The following FRAS1 variants were observed in gnomAD, a reference collection of about 807,000 sequenced individuals.
FRAS1 encodes the protein Fraser extracellular matrix complex subunit 1, also known as extracellular matrix organizing protein FRAS1.
FRAS1 carries 290 observed loss-of-function variants against 435.2 expected under a neutral mutation model. The observed-to-expected ratio is 0.67, with a 90% CI of 0.61 to 0.73. The LOEUF (loss-of-function observed/expected upper bound fraction) is 0.73, where lower values mean the gene tolerates loss of function less well. FRAS1 is among the 30% of genes least tolerant of loss of function. The pLI is 0.00. For synonymous variants in FRAS1, 1,800 were observed against 1,851.0 expected, an observed-to-expected ratio of 0.97 and a Z score of 0.71; for missense variants, 4,860 against 5,001.5, an observed-to-expected ratio of 0.97 and a Z score of 0.85.
At chr4:78,486,750 G>C (rs892347318) in intron 58 of FRAS1, among the ~76,000 whole-genome samples, 3 of 151,930 alleles carry the variant, frequency 2.0e-5, no homozygotes, top group African/African-American at 7.3e-5. Flanking sequence ...CACTGGTCTG[G>C]GGTCTTCTTA....
intron 73 of FRAS1, among the ~76,000 whole-genome samples, chr4:78,540,236 A>G (rs376635211): frequency 6.6e-6 from 1 of 152,262 alleles, no homozygotes; most frequent in Non-Finnish European, 1.5e-5. Context: ...ACAGACAAAT[A>G]TAAGCATTCA....
chr4:78,329,681 T>A (rs567897900), intron 18 of FRAS1, among the ~76,000 whole-genome samples: 34 of 152,360 alleles, frequency 2.2e-4, no homozygotes, highest in African/African-American at 8.2e-4. Flanking sequence ...CGGATTTCTG[T>A]ATCACCTATT....
At chr4:78,402,360 T>C (rs1207170781) in intron 30 of FRAS1, among the ~76,000 whole-genome samples, 1 of 152,122 alleles carries the variant, frequency 6.6e-6, no homozygotes, top group Non-Finnish European at 1.5e-5. Context: ...ATAGTTCCAA[T>C]GTCCACAAAG....
chr4:78,282,318 G>A (rs1727367734), intron 11 of FRAS1, among the ~76,000 whole-genome samples: 1 of 152,218 alleles, frequency 6.6e-6, no homozygotes, highest in Non-Finnish European at 1.5e-5. Context: ...CCCATTAAAA[G>A]TAGGCCTGCA....
intron 2 of FRAS1, among the ~76,000 whole-genome samples, chr4:78,217,726 T>G (rs1723829617): frequency 6.6e-6 from 1 of 151,900 alleles, no homozygotes; most frequent in Non-Finnish European, 1.5e-5. Context: ...CAGCATTCAT[T>G]CAATGGACGG....
intron 2 of FRAS1, among the ~76,000 whole-genome samples, chr4:78,151,262 C>T (rs1223233525): frequency 6.6e-6 from 1 of 151,936 alleles, no homozygotes; most frequent in Non-Finnish European, 1.5e-5. Flanking sequence ...CTCAGTTATA[C>T]CTTAAAGTTT....
At chr4:78,135,180 C>T (rs1194523742) in intron 2 of FRAS1, among the ~76,000 whole-genome samples, 1 of 152,192 alleles carries the variant, frequency 6.6e-6, no homozygotes, top group Non-Finnish European at 1.5e-5. Context: ...CTTGCTGATG[C>T]CTTTCTGAAG....
intron 13 of FRAS1, 27 bp downstream of exon 13, chr4:78,284,575 G>A (rs1727491372): frequency 6.3e-7 from 1 of 1,590,248 alleles, no homozygotes; most frequent in South Asian, 1.2e-5. Flanking sequence ...ACAACCCAGA[G>A]GTGGTGGTGT....
At chr4:78,181,242 C>G in intron 2 of FRAS1, 3 of 1,609,698 alleles carry the variant, frequency 1.9e-6, no homozygotes, top group Non-Finnish European at 2.5e-6. Context: ...TCTTTTGGAC[C>G]CTCCTCTTTT....
intron 35 of FRAS1, among the ~76,000 whole-genome samples, chr4:78,428,346 G>C (rs1361177745): frequency 6.7e-6 from 1 of 149,848 alleles, no homozygotes; most frequent in South Asian, 2.1e-4. Context: ...TTTTTGAGAC[G>C]AAGTCTCGCT....
At chr4:78,375,977 G>A in intron 26 of FRAS1, 98 bp downstream of exon 26, 1 of 1,370,502 alleles carries the variant, frequency 7.3e-7, no homozygotes, top group Non-Finnish European at 1.0e-6. Flanking sequence ...GATATAAAAT[G>A]CAGCATTCCC....
intron 67 of FRAS1, among the ~76,000 whole-genome samples, chr4:78,519,982 C>T (rs991219402): frequency 5.3e-5 from 8 of 152,088 alleles, no homozygotes; most frequent in Non-Finnish European, 4.4e-5. Context: ...TTTAACCTTC[C>T]GAAGTCAAGG....
At chr4:78,482,569 AATATATTTCT>A in intron 58 of FRAS1, 34 bp downstream of exon 58, 2 of 1,588,406 alleles carry the variant, frequency 1.3e-6, no homozygotes, top group Non-Finnish European at 1.7e-6. Flanking sequence ...GGTAGGTCCA[AATATATTTCT>A]ATTTTTTCTT....
chr4:78,178,243 A>G (rs530065753), intron 2 of FRAS1, among the ~76,000 whole-genome samples: 1 of 152,200 alleles, frequency 6.6e-6, no homozygotes, highest in South Asian at 2.1e-4. Context: ...ACTTTACCCA[A>G]TGATTGGCAT....
At chr4:78,295,571 C>T (rs1728107129) in intron 14 of FRAS1, among the ~76,000 whole-genome samples, 2 of 152,256 alleles carry the variant, frequency 1.3e-5, no homozygotes, top group East Asian at 3.9e-4. Flanking sequence ...CCAAGCTATT[C>T]TCTTGCTTAT....
At chr4:78,347,787 G>GTT (rs554835851) in intron 20 of FRAS1, among the ~76,000 whole-genome samples, 5 of 55,048 alleles carry the variant, frequency 9.1e-5, no homozygotes, top group East Asian at 1.5e-3. Context: ...GTGTGTGTGT[G>GTT]TTTTTTTTTT....
At chr4:78,335,353 C>T (rs1730132005) in intron 19 of FRAS1, among the ~76,000 whole-genome samples, 1 of 152,162 alleles carries the variant, frequency 6.6e-6, no homozygotes, top group Admixed American at 6.5e-5. Flanking sequence ...AATTGTACTT[C>T]CTCATGGCAT....
chr4:78,481,903 CA>C lies in FRAS1; in HGVS notation c.8544del (p.Gly2849GlufsTer24). 1 of 1,613,864 alleles carries C rather than the reference CA, an allele frequency of 6.2e-7. No individual in the cohort carries two copies. The highest frequency in any genetic ancestry group is 8.5e-7 in the Non-Finnish European group (1 of 1,179,826). On this transcript the variant is annotated frameshift_variant, in exon 57 of 74. Transcript: ENST00000512123. LOFTEE classifies it high-confidence loss of function. Reference sequence around the variant, plus strand: ...CCCTCAGACCCAGCTTCTGCCACACCAGGAGTTGACTACGTTCCCAGCTCTC... The same window carrying C: ...CCCTCAGACCCAGCTTCTGCCACACCGGAGTTGACTACGTTCCCAGCTCTC... ...TRPSDPASATPGVDYVPSSRK... is the reference protein window; with the variant it reads ...TRPSDPASATXGVDYVPSSRK...
intron 61 of FRAS1, among the ~76,000 whole-genome samples, chr4:78,505,702 A>T (rs1720814453): frequency 6.6e-6 from 1 of 151,978 alleles, no homozygotes; most frequent in Non-Finnish European, 1.5e-5. Context: ...GAAGTTTGTT[A>T]TTACCGACCT....
Sources: gnomAD v4.1 joint callset for allele counts (sites outside exome capture counted in the v4.1 genomes callset) on GRCh38, gnomAD v4.1.1 for gene constraint, MANE v1.5 for transcripts, NCBI Gene and HGNC (gene_info 2026-07-23, HGNC 2026-07-21) for gene names.